Variants in USP31 observed in about 807,000 individuals in gnomAD.
The protein encoded by USP31 is ubiquitin specific peptidase 31.
USP31 carries 44 observed loss-of-function variants against 119.4 expected under a neutral mutation model. The observed-to-expected ratio is 0.37, with a 90% CI of 0.29 to 0.47. The LOEUF (loss-of-function observed/expected upper bound fraction) is 0.47, where lower values mean the gene tolerates loss of function less well. Among genes scored for constraint, USP31 ranks in the 20% least tolerant of loss-of-function variants. USP31 has a pLI of 0.99. For missense variants in USP31, 1,643 were observed against 1,730.2 expected (o/e 0.95, Z 0.89); for synonymous variants, 749 against 705.6 (o/e 1.06, Z -0.97).
intron 5 of USP31, 92 bp from the exon 6 acceptor site, chr16:23,102,555 C>T (rs1901926600): frequency 2.8e-6 from 4 of 1,440,822 alleles, no homozygotes; most frequent in African/African-American, 1.4e-5. Flanking sequence ...ACCATCAGGA[C>T]TGGCAGTGGT....
chr16:23,077,657 TAAAG>T (rs1300630224), intron 13 of USP31, among the ~76,000 whole-genome samples: 1 of 152,116 alleles, frequency 6.6e-6, no homozygotes, highest in Non-Finnish European at 1.5e-5. Context: ...ACTGAATTAA[TAAAG>T]AAAGTCCCTG....
chr16:23,068,539 C>T lies in USP31; in HGVS notation c.3566G>A (p.Gly1189Asp), dbSNP rs199804574. The T allele has an allele frequency of 1.9e-6, 3 of 1,613,930 alleles. No individual in the cohort carries two copies. Among genetic ancestry groups the T allele is most frequent in the Non-Finnish European group, 2.5e-6 (3 of 1,179,938 alleles). The change falls in exon 16 of 16, where the codon GGC (glycine) becomes GAC (aspartate). Residue 1189 changes from glycine (G) to aspartate (D), a missense_variant. By Grantham distance (94) the Gly-to-Asp change is moderately conservative. Around this residue, in one of 5 missense-constraint regions of USP31, gnomAD observed 699 missense variants for 650.9 expected, o/e 1.07. Transcript: ENST00000219689. ...PRVSQARAGEGRGAGKHVRSS... is the reference protein window; with the variant it reads ...PRVSQARAGEDRGAGKHVRSS... ...CCGCACGTGCTTCCCGGCCCCCCTG[C>T]CCTCCCCTGCTCGGGCCTGGCTCAC...
intron 6 of USP31, among the ~76,000 whole-genome samples, chr16:23,101,469 C>T (rs7188920): frequency 0.27 from 41,529 of 151,932 alleles, 6,107 homozygotes; most frequent in Admixed American, 0.35. Flanking sequence ...AAAGTGGAGG[C>T]TAGTGGGGGA....
intron 4 of USP31, 55 bp downstream of exon 4, chr16:23,106,158 G>C: frequency 6.3e-7 from 1 of 1,598,032 alleles, no homozygotes; most frequent in Non-Finnish European, 8.6e-7. Context: ...AGCCTACAGA[G>C]GCAAAGGGAT....
intron 6 of USP31, among the ~76,000 whole-genome samples, chr16:23,097,019 C>A (rs1395700117): frequency 6.6e-6 from 1 of 151,734 alleles, no homozygotes; most frequent in African/African-American, 2.4e-5. Context: ...GATAGAGACA[C>A]AAAAAACCCT....
intron 1 of USP31, among the ~76,000 whole-genome samples, chr16:23,110,998 G>A (rs1902298403): frequency 6.6e-6 from 1 of 152,054 alleles, no homozygotes; most frequent in Non-Finnish European, 1.5e-5. Context: ...CGTGGTGGTG[G>A]GCGCCTGTAG....
intron 15 of USP31, 36 bp from the exon 16 acceptor site, chr16:23,069,652 C>CT: frequency 6.4e-7 from 1 of 1,554,190 alleles, no homozygotes; most frequent in South Asian, 1.2e-5. Flanking sequence ...TAAGTTAAGC[C>CT]AATGAAGACA....
Position 23,068,000 on chromosome 16 carries a change from A to C in USP31, c.*46T>G. On this transcript the variant is annotated 3_prime_UTR_variant, in exon 16 of 16. Transcript: ENST00000219689. ...CTTTGGTGGGAGGGCAGGGGTTCTA[A>C]ATAAATAAACATCTTTACAGATAAA... 6.5e-7 allele frequency: 1 copy of C among 1,548,542 alleles called. No homozygotes were observed.
chr16:23,134,051 T>C (rs1026550408), intron 1 of USP31, among the ~76,000 whole-genome samples: 2 of 151,428 alleles, frequency 1.3e-5, no homozygotes, highest in Non-Finnish European at 2.9e-5. Flanking sequence ...CACTCCGGCC[T>C]GGGCAACACA....
intron 1 of USP31, among the ~76,000 whole-genome samples, chr16:23,139,986 T>C (rs958507289): frequency 3.3e-5 from 5 of 152,230 alleles, no homozygotes; most frequent in Admixed American, 3.3e-4. Flanking sequence ...AAAATGTCAC[T>C]TGGATTCACC....
At chr16:23,116,404 C>T (rs28546370) in intron 1 of USP31, among the ~76,000 whole-genome samples, 9,949 of 152,100 alleles carry the variant, frequency 0.065, 468 homozygotes, top group Non-Finnish European at 0.1. Flanking sequence ...ACTTTCAGGA[C>T]GCCTACTAAG....
chr16:23,099,647 A>T (rs1306604622), intron 6 of USP31, among the ~76,000 whole-genome samples: 1 of 152,230 alleles, frequency 6.6e-6, no homozygotes, highest in Non-Finnish European at 1.5e-5. Context: ...CAGACATGAC[A>T]ACAAAAGCAC....
rs889539383 is a variant in USP31 at position 23,149,439 on chromosome 16, G to A, written c.-169C>T. ...GAGCGAGCGGCGGCCGGCGGGGCCA[G>A]CGGGCGCGCGCGCGGTCCGCCCAGC... On this transcript the variant is annotated 5_prime_UTR_variant, in exon 1 of 16. Coordinates refer to ENST00000219689, the MANE Select transcript of USP31 (RefSeq NM_020718.4). Among the ~76,000 whole-genome samples, 2 of 148,498 alleles carry A rather than the reference G, an allele frequency of 1.3e-5. No homozygotes were observed. Among genetic ancestry groups the A allele is most frequent in the Admixed American group, 1.3e-4 (2 of 14,922 alleles).
chr16:23,101,582 T>C (rs972482852), intron 6 of USP31, among the ~76,000 whole-genome samples: 18 of 152,138 alleles, frequency 1.2e-4, no homozygotes, highest in Non-Finnish European at 2.6e-4. Context: ...TTACCAGAGT[T>C]TCTCCTTTAC....
intron 1 of USP31, among the ~76,000 whole-genome samples, chr16:23,131,715 C>T (rs1017493914): frequency 6.6e-6 from 1 of 152,074 alleles, no homozygotes; most frequent in African/African-American, 2.4e-5. Flanking sequence ...TCTCTCTGGG[C>T]TTGTGTACAT....
In USP31 at chr16:23,136,614, A is replaced by G. The variant is rs148388364; in HGVS notation, c.633+12024T>C. On this transcript the variant is annotated intron_variant, in intron 1 of 15. Coordinates refer to ENST00000219689, the MANE Select transcript of USP31 (RefSeq NM_020718.4). ...GGCTGCAGTGAGCTAAGATCGTGCC[A>G]CTGCACTCCAGCCTAGGCAACAAAG... is the stretch of plus-strand genomic sequence containing the variant. Among the ~76,000 whole-genome samples, 1,400 of 151,806 alleles carry G rather than the reference A, an allele frequency of 9.2e-3. 18 individuals are homozygous for G. Among genetic ancestry groups the G allele is most frequent in the African/African-American group, 0.029 (1,216 of 41,346 alleles).
chr16:23,071,072 A>G (rs572513983), intron 15 of USP31, among the ~76,000 whole-genome samples: 3 of 152,334 alleles, frequency 2.0e-5, no homozygotes, highest in South Asian at 2.1e-4. Context: ...TCAGTTTTCC[A>G]TAAGATGTGA....
intron 1 of USP31, among the ~76,000 whole-genome samples, chr16:23,119,388 G>A (rs941658544): frequency 3.9e-5 from 6 of 152,114 alleles, no homozygotes; most frequent in Non-Finnish European, 5.9e-5. Flanking sequence ...ATGAGCCACC[G>A]TGCCCGGCCA....
At chr16:23,079,676 GA>G (rs1287662507) in intron 13 of USP31, 1 of 330,138 alleles carries the variant, frequency 3.0e-6, no homozygotes, top group Admixed American at 4.6e-5. Context: ...GGTAAACAAA[GA>G]GCAAATCCTC....
Sources: allele counts gnomAD v4.1 joint callset (sites outside exome capture counted in the v4.1 genomes callset), GRCh38; gene constraint gnomAD v4.1.1; regional missense constraint gnomAD v4.1.1; transcripts MANE v1.5; gene names NCBI Gene and HGNC (gene_info 2026-07-23, HGNC 2026-07-21).